The following UNC5C variants were observed in gnomAD, a reference collection of about 807,000 sequenced individuals.
The protein encoded by UNC5C is netrin receptor UNC5C.
UNC5C carries 47 observed loss-of-function variants against 99.8 expected under a neutral mutation model. The observed-to-expected ratio is 0.47, with a 90% CI of 0.37 to 0.60. UNC5C has a LOEUF of 0.60. Among genes scored for constraint, UNC5C ranks in the 20% least tolerant of loss-of-function variants. The pLI is 0.00. For synonymous variants in UNC5C, 487 were observed against 452.2 expected (o/e 1.08, Z -0.98); for missense variants, 1,062 against 1,165.9 (o/e 0.91, Z 1.30).
At chr4:95,516,099 T>C (rs1722211363) in intron 1 of UNC5C, among the ~76,000 whole-genome samples, 1 of 152,114 alleles carries the variant, frequency 6.6e-6, no homozygotes, top group Non-Finnish European at 1.5e-5. Flanking sequence ...GAAACAAATA[T>C]TTATTGTCAT....
chr4:95,349,365 A>G (rs1334957300), intron 1 of UNC5C, among the ~76,000 whole-genome samples: 2 of 124,202 alleles, frequency 1.6e-5, no homozygotes, highest in Non-Finnish European at 3.6e-5. Flanking sequence ...GGGTGGCTGT[A>G]TCTCCCTCAT....
At chr4:95,462,251 G>A (rs76781508) in intron 1 of UNC5C, among the ~76,000 whole-genome samples, 3,187 of 152,096 alleles carry the variant, frequency 0.021, 110 homozygotes, top group Admixed American at 0.096. Flanking sequence ...TAGATATACA[G>A]TAAATAGTTA....
At chr4:95,217,264 C>A (rs1040059522) in intron 9 of UNC5C, among the ~76,000 whole-genome samples, 2 of 152,250 alleles carry the variant, frequency 1.3e-5, no homozygotes, top group Middle Eastern at 3.4e-3. Flanking sequence ...CCTGACCACA[C>A]TGGAAAGTCT....
Position 95,548,931 on chromosome 4 carries a change from A to G in UNC5C, c.-74T>C. ...CAAACAGCTGAAAGCCCCACTGGGC[A>G]GAAGCTGAATCCGTGCACCGCGAAG... On this transcript the variant is annotated 5_prime_UTR_variant, in exon 1 of 16. Coordinates refer to ENST00000453304, the MANE Select transcript of UNC5C (RefSeq NM_003728.4). The G allele has an allele frequency of 6.4e-7, 1 of 1,570,404 alleles. No individual in the cohort carries two copies. Among genetic ancestry groups the G allele is most frequent in the Non-Finnish European group, 8.7e-7 (1 of 1,150,522 alleles).
chr4:95,509,213 T>G (rs1722001475), intron 1 of UNC5C, among the ~76,000 whole-genome samples: 1 of 151,872 alleles, frequency 6.6e-6, no homozygotes, highest in South Asian at 2.1e-4. Context: ...GTAGTTTTTT[T>G]CTAGTAACCA....
intron 5 of UNC5C, chr4:95,248,250 A>G: frequency 3.8e-6 from 1 of 263,506 alleles, no homozygotes; most frequent in Non-Finnish European, 7.4e-6. Flanking sequence ...AAATTGGTGT[A>G]ACACAAATCA....
chr4:95,213,639 C>T (rs1189492025), intron 10 of UNC5C, among the ~76,000 whole-genome samples: 1 of 152,184 alleles, frequency 6.6e-6, no homozygotes, highest in African/African-American at 2.4e-5. Flanking sequence ...AGATGACCAG[C>T]TGGATACCAT....
chr4:95,352,692 C>G (rs1021315442), intron 1 of UNC5C, among the ~76,000 whole-genome samples: 4 of 152,296 alleles, frequency 2.6e-5, no homozygotes, highest in African/African-American at 9.6e-5. Flanking sequence ...AATTCCTTCT[C>G]CCTGTCAGGC....
intron 1 of UNC5C, among the ~76,000 whole-genome samples, chr4:95,514,230 A>G (rs1722153704): frequency 6.6e-6 from 1 of 152,200 alleles, no homozygotes; most frequent in Non-Finnish European, 1.5e-5. Flanking sequence ...TGACTGGTTA[A>G]GGAATAGTAA....
intron 1 of UNC5C, among the ~76,000 whole-genome samples, chr4:95,489,832 G>A (rs1347749633): frequency 2.0e-5 from 3 of 151,622 alleles, no homozygotes; most frequent in African/African-American, 7.3e-5. Context: ...TGTATGTGAG[G>A]AGCCTGTTTC....
intron 1 of UNC5C, among the ~76,000 whole-genome samples, chr4:95,445,677 T>C (rs1747080779): frequency 6.6e-6 from 1 of 152,172 alleles, no homozygotes; most frequent in African/African-American, 2.4e-5. Context: ...GACAATTTTG[T>C]TGCCGAGAAG....
At chr4:95,329,825 A>G (rs976723430) in intron 2 of UNC5C, among the ~76,000 whole-genome samples, 8 of 152,082 alleles carry the variant, frequency 5.3e-5, no homozygotes, top group African/African-American at 1.9e-4. Context: ...TTCCTGTAAG[A>G]CTTATAGATT....
chr4:95,184,226 TC>T, intron 13 of UNC5C, among the ~76,000 whole-genome samples: 1 of 152,160 alleles, frequency 6.6e-6, no homozygotes. Flanking sequence ...TAGGCTTGTT[TC>T]CCATAATTTA....
chr4:95,406,568 T>C (rs1745837376), intron 1 of UNC5C, among the ~76,000 whole-genome samples: 1 of 152,210 alleles, frequency 6.6e-6, no homozygotes, highest in East Asian at 1.9e-4. Context: ...AGTCCAAATT[T>C]ATCAGTACAT....
chr4:95,212,302 TCTTTCTTTACATTTTTA>T (rs199687670), intron 10 of UNC5C, among the ~76,000 whole-genome samples: 6,262 of 152,242 alleles, frequency 0.041, 164 homozygotes, highest in Middle Eastern at 0.088. Flanking sequence ...TTGTTCTTCC[TCTTTCTTTACATTTTTA>T]CTTTAATGAC....
chr4:95,229,608 A>C (rs1001298439), intron 7 of UNC5C, among the ~76,000 whole-genome samples: 59 of 152,234 alleles, frequency 3.9e-4, no homozygotes, highest in African/African-American at 1.2e-3. Context: ...GTGTCTTTAT[A>C]GTAGAACGAT....
chr4:95,445,001 C>T (rs920090829), intron 1 of UNC5C, among the ~76,000 whole-genome samples: 1 of 152,108 alleles, frequency 6.6e-6, no homozygotes, highest in African/African-American at 2.4e-5. Context: ...AAACTGACAG[C>T]TGTGGAGGCA....
intron 14 of UNC5C, among the ~76,000 whole-genome samples, chr4:95,182,003 C>T (rs1353359061): frequency 6.6e-6 from 1 of 152,190 alleles, no homozygotes; most frequent in Non-Finnish European, 1.5e-5. Context: ...GCACGCAGCA[C>T]AGGGCTTAGC....
At chr4:95,198,151 G>A (rs1295294096) in intron 12 of UNC5C, among the ~76,000 whole-genome samples, 3 of 152,026 alleles carry the variant, frequency 2.0e-5, no homozygotes, top group African/African-American at 7.2e-5. Flanking sequence ...ACCACGCCCA[G>A]CTAATTTTTA....
Sources: gnomAD v4.1 joint callset for allele counts (sites outside exome capture counted in the v4.1 genomes callset) on GRCh38, gnomAD v4.1.1 for gene constraint, MANE v1.5 for transcripts, NCBI Gene and HGNC (gene_info 2026-07-23, HGNC 2026-07-21) for gene names.